LINGO2: variants seen among roughly 807,000 people sequenced by gnomAD.
LINGO2 encodes leucine rich repeat and Ig domain containing 2, also known as leucine-rich repeat and immunoglobulin-like domain-containing nogo receptor-interacting protein 2.
LINGO2 carries 14 observed loss-of-function variants against 30.6 expected under a neutral mutation model. That is an observed-to-expected ratio of 0.46 (90% CI 0.30 to 0.72). The LOEUF is 0.72. Among genes scored for constraint, LINGO2 ranks in the 30% least tolerant of loss-of-function variants. LINGO2 has a pLI of 0.07. For missense variants in LINGO2, 729 were observed against 751.7 expected, an observed-to-expected ratio of 0.97 and a Z score of 0.35; for synonymous variants, 317 against 288.5, an observed-to-expected ratio of 1.10 and a Z score of -1.00.
At chr9:29,083,382 A>G in the LINGO2 span, among the ~76,000 whole-genome samples, 1 of 152,110 alleles carries the variant, frequency 6.6e-6, no homozygotes, top group Non-Finnish European at 1.5e-5. Flanking sequence ...GAACTGAACA[A>G]TGAGAACACT....
intron 3 of LINGO2, among the ~76,000 whole-genome samples, chr9:28,355,339 C>T (rs113499837): frequency 7.3e-6 from 1 of 137,320 alleles, no homozygotes; most frequent in Admixed American, 7.4e-5. Flanking sequence ...CTCTGTCTCT[C>T]TCTCTCTCTC....
At chr9:28,286,100 T>TTA (rs1165402421) in intron 4 of LINGO2, among the ~76,000 whole-genome samples, 1 of 152,204 alleles carries the variant, frequency 6.6e-6, no homozygotes, top group African/African-American at 2.4e-5. Flanking sequence ...AAGGGCATGA[T>TTA]TATATGTCAC....
chr9:28,007,263 A>C (rs1219142173), intron 5 of LINGO2, among the ~76,000 whole-genome samples: 1 of 152,150 alleles, frequency 6.6e-6, no homozygotes, highest in Non-Finnish European at 1.5e-5. Flanking sequence ...CGCCAAACCC[A>C]GGAAATAGTG....
the LINGO2 span, among the ~76,000 whole-genome samples, chr9:28,823,798 T>A: frequency 6.6e-6 from 1 of 152,192 alleles, no homozygotes; most frequent in African/African-American, 2.4e-5. Flanking sequence ...GCTTTGTTGT[T>A]ATTTTTTAAA....
intron 4 of LINGO2, among the ~76,000 whole-genome samples, chr9:28,237,228 T>C (rs1172167668): frequency 6.6e-6 from 1 of 151,866 alleles, no homozygotes; most frequent in East Asian, 1.9e-4. Flanking sequence ...TAATGGGTTA[T>C]AGGATAGTAT....
the LINGO2 span, among the ~76,000 whole-genome samples, chr9:28,991,373 C>T: frequency 2.6e-5 from 4 of 151,212 alleles, no homozygotes; most frequent in Admixed American, 6.6e-5. Context: ...TGTGAAAAGA[C>T]CAAATCTACG....
At chr9:29,176,526 A>C in the LINGO2 span, among the ~76,000 whole-genome samples, 2 of 152,218 alleles carry the variant, frequency 1.3e-5, no homozygotes, top group Non-Finnish European at 2.9e-5. Context: ...GCTTCTCTCC[A>C]ATGTCCCAAG....
At chr9:28,379,993 G>A (rs996431743) in intron 2 of LINGO2, among the ~76,000 whole-genome samples, 3 of 151,976 alleles carry the variant, frequency 2.0e-5, no homozygotes, top group Non-Finnish European at 4.4e-5. Flanking sequence ...TTAAGACAGG[G>A]GTTCACAAAT....
At position 28,254,958 on chromosome 9, in the gene LINGO2, T is replaced by C. The variant is rs10968418; in HGVS notation, c.-87+40250A>G. Among the ~76,000 whole-genome samples the C allele has an allele frequency of 0.016, 2,421 of 152,090 alleles. 132 individuals carry two copies. In the East Asian group the frequency reaches 0.18, roughly 11 times the overall value. ...AATAGGCCCCAGTGTGTGTTGCTCC[T>C]ATGTGTCCATGTGTTCTCATCAAGA... On this transcript the variant is annotated intron_variant, in intron 4 of 5. Transcript: ENST00000379992.
chr9:28,010,110 G>A lies in LINGO2; in HGVS notation c.-36+2245C>T, dbSNP rs138881178. Among the ~76,000 whole-genome samples, 915 of 152,238 alleles carry A rather than the reference G, an allele frequency of 6.0e-3. 57 individuals carry two copies. The highest frequency in any genetic ancestry group is 0.053 in the Admixed American group (815 of 15,282). On this transcript the variant is annotated intron_variant, in intron 5 of 5. Coordinates refer to ENST00000379992, the Ensembl canonical transcript of LINGO2. Reference sequence around the variant, plus strand: ...GAATCTTGATATCATTACGCAAAGTGAAAAAGGTCATTCACAAAAGATCAC... The same window carrying A: ...GAATCTTGATATCATTACGCAAAGTAAAAAAGGTCATTCACAAAAGATCAC...
intron 4 of LINGO2, among the ~76,000 whole-genome samples, chr9:28,248,757 G>GA (rs970894565): frequency 1.3e-5 from 2 of 152,066 alleles, no homozygotes; most frequent in African/African-American, 4.8e-5. Context: ...TATGTATCCA[G>GA]AAAAAATAAA....
At chr9:28,402,503 T>C (rs574677204) in intron 2 of LINGO2, among the ~76,000 whole-genome samples, 3 of 152,198 alleles carry the variant, frequency 2.0e-5, no homozygotes, top group African/African-American at 7.2e-5. Context: ...CTTTTTGCCA[T>C]GAAGAATCTT....
the LINGO2 span, among the ~76,000 whole-genome samples, chr9:29,091,110 G>GATAT: frequency 1.3e-5 from 2 of 152,004 alleles, no homozygotes; most frequent in Non-Finnish European, 2.9e-5. Context: ...TGACATTCAT[G>GATAT]ATATTGGTTG....
At chr9:28,398,219 G>A (rs1272555703) in intron 2 of LINGO2, among the ~76,000 whole-genome samples, 2 of 152,166 alleles carry the variant, frequency 1.3e-5, no homozygotes, top group Admixed American at 1.3e-4. Context: ...CAGCATCAAT[G>A]ATATATACGG....
the LINGO2 span, among the ~76,000 whole-genome samples, chr9:28,785,901 A>G: frequency 6.6e-6 from 1 of 152,230 alleles, no homozygotes; most frequent in Non-Finnish European, 1.5e-5. Context: ...TCATGACAAA[A>G]TGTACACTAA....
chr9:27,977,718 T>G (rs1359691806), intron 5 of LINGO2, among the ~76,000 whole-genome samples: 1 of 151,390 alleles, frequency 6.6e-6, no homozygotes, highest in Non-Finnish European at 1.5e-5. Flanking sequence ...CCCCATCACA[T>G]GGGAGCCTGA....
the LINGO2 span, among the ~76,000 whole-genome samples, chr9:29,047,182 T>A: frequency 4.0e-5 from 6 of 151,774 alleles, no homozygotes; most frequent in Non-Finnish European, 8.8e-5. Flanking sequence ...ATATCCAACA[T>A]CTATAAGGTA....
chr9:28,509,968 A>C (rs1820305233), intron 1 of LINGO2, among the ~76,000 whole-genome samples: 1 of 152,244 alleles, frequency 6.6e-6, no homozygotes, highest in Non-Finnish European at 1.5e-5. Flanking sequence ...AATAATTCGT[A>C]ATGATAACTG....
intron 4 of LINGO2, among the ~76,000 whole-genome samples, chr9:28,213,300 T>C (rs1195352188): frequency 6.6e-6 from 1 of 151,388 alleles, no homozygotes; most frequent in Non-Finnish European, 1.5e-5. Flanking sequence ...CCCCTGTGTT[T>C]TTCTAGAAAA....
Sources: allele counts gnomAD v4.1 joint callset (sites outside exome capture counted in the v4.1 genomes callset), GRCh38; gene constraint gnomAD v4.1.1; transcripts MANE v1.5; gene names NCBI Gene and HGNC (gene_info 2026-07-23, HGNC 2026-07-21).